The following CCBE1 variants were observed in gnomAD, a reference collection of about 807,000 sequenced individuals.
The protein encoded by CCBE1 is collagen and calcium-binding EGF domain-containing protein 1.
A neutral mutation model predicts 50.0 loss-of-function variants in CCBE1; 37 were observed. The ratio of observed to expected loss-of-function variants is 0.74; its 90% CI spans 0.57 to 0.97. CCBE1 has a LOEUF of 0.97. Among genes scored for constraint, CCBE1 ranks in the 50% least tolerant of loss-of-function variants. The pLI is 0.00. For missense variants in CCBE1, 538 were observed against 523.8 expected, an observed-to-expected ratio of 1.03 and a Z score of -0.26; for synonymous variants, 234 against 203.7, an observed-to-expected ratio of 1.15 and a Z score of -1.27.
intron 2 of CCBE1, among the ~76,000 whole-genome samples, chr18:59,556,088 G>A (rs967842849): frequency 1.3e-5 from 2 of 152,154 alleles, no homozygotes; most frequent in South Asian, 2.1e-4. Flanking sequence ...CAGCCTTAAC[G>A]GGGCCCAGGA....
intron 2 of CCBE1, among the ~76,000 whole-genome samples, chr18:59,621,141 G>A (rs1343264832): frequency 6.6e-6 from 1 of 152,202 alleles, no homozygotes; most frequent in Non-Finnish European, 1.5e-5. Flanking sequence ...GCATGTGACT[G>A]GGGCCCCAGG....
At chr18:59,543,118 C>A (rs1012455752) in intron 2 of CCBE1, among the ~76,000 whole-genome samples, 1 of 151,930 alleles carries the variant, frequency 6.6e-6, no homozygotes, top group African/African-American at 2.4e-5. Context: ...CAATGCTTTC[C>A]ATATTTTACA....
intron 2 of CCBE1, among the ~76,000 whole-genome samples, chr18:59,556,782 G>A (rs371963402): frequency 7.0e-4 from 106 of 152,316 alleles, no homozygotes; most frequent in Middle Eastern, 3.4e-3. Flanking sequence ...CAAGGAAAGA[G>A]GTATTCCGTA....
Position 59,466,857 on chromosome 18 carries a change from C to A in CCBE1, c.435G>T (p.Leu145=). ...AGGTATTGATGCAGATGTGGGCACA[C>A]AGCGTCCCATTGCTGCTGGCACACT... ...IDECASSNGT[L]CAHICINTLG... is the part of the protein sequence containing the mutation. Residue 145 remains leucine (L), a synonymous_variant, in exon 5 of 11, where the codon CTG becomes CTT. Transcript: ENST00000439986. 3 of 1,613,544 alleles carry A rather than the reference C, an allele frequency of 1.9e-6. No individual in the cohort carries two copies. Among genetic ancestry groups the A allele is most frequent in the Non-Finnish European group, 2.5e-6 (3 of 1,179,798 alleles).
chr18:59,466,438 T>A lies in CCBE1; in HGVS notation c.553+301A>T, dbSNP rs8082747. Among the ~76,000 whole-genome samples, 37,274 of 151,668 alleles carry A rather than the reference T, an allele frequency of 0.25. 4,770 individuals are homozygous for A. Among genetic ancestry groups the A allele is most frequent in the East Asian group, 0.34 (1,769 of 5,140 alleles). ...CTCCCCAGCCATATGGAACTGTGAGTTTTTTAAACCTCTTTTTCTTTATAA... is the reference window on the plus strand; with the variant it reads ...CTCCCCAGCCATATGGAACTGTGAGATTTTTAAACCTCTTTTTCTTTATAA... On this transcript the variant is annotated intron_variant, in intron 5 of 10. Transcript: ENST00000439986.
chr18:59,693,750 T>C (rs936295954), intron 2 of CCBE1, among the ~76,000 whole-genome samples: 1 of 151,988 alleles, frequency 6.6e-6, no homozygotes, highest in African/African-American at 2.4e-5. Flanking sequence ...AGATGCACAA[T>C]AGATTCTTAA....
intron 5 of CCBE1, among the ~76,000 whole-genome samples, chr18:59,466,415 C>T (rs1911745075): frequency 6.6e-6 from 1 of 151,986 alleles, no homozygotes. Context: ...TGTGAGGCCT[C>T]CCCAGCCATA....
At chr18:59,677,326 T>C (rs965975935) in intron 2 of CCBE1, among the ~76,000 whole-genome samples, 1 of 152,200 alleles carries the variant, frequency 6.6e-6, no homozygotes, top group African/African-American at 2.4e-5. Flanking sequence ...GGAGCAACTA[T>C]CCAGGCATTC....
chr18:59,460,893 C>T (rs1396914190), intron 5 of CCBE1, among the ~76,000 whole-genome samples: 1 of 150,964 alleles, frequency 6.6e-6, no homozygotes, highest in Non-Finnish European at 1.5e-5. Context: ...GGATATCGCG[C>T]CACTGCACTC....
At chr18:59,447,025 A>G (rs980298212) in intron 7 of CCBE1, among the ~76,000 whole-genome samples, 1 of 152,230 alleles carries the variant, frequency 6.6e-6, no homozygotes, top group Non-Finnish European at 1.5e-5. Context: ...TACTAAAAAT[A>G]TAAAATAACT....
chr18:59,647,765 CA>C (rs1408242310), intron 2 of CCBE1, among the ~76,000 whole-genome samples: 1 of 152,082 alleles, frequency 6.6e-6, no homozygotes, highest in Non-Finnish European at 1.5e-5. Context: ...GTACACATTT[CA>C]ATTGTTTCGA....
chr18:59,638,753 T>C (rs1419632359), intron 2 of CCBE1, among the ~76,000 whole-genome samples: 2 of 152,218 alleles, frequency 1.3e-5, no homozygotes, highest in African/African-American at 4.8e-5. Context: ...TTCACAAATG[T>C]CTTCAAGAAA....
intron 2 of CCBE1, among the ~76,000 whole-genome samples, chr18:59,524,203 C>T (rs1469223548): frequency 1.3e-5 from 2 of 152,044 alleles, no homozygotes; most frequent in African/African-American, 4.8e-5. Context: ...GCCCGTAATC[C>T]CAGTTACTAG....
intron 2 of CCBE1, among the ~76,000 whole-genome samples, chr18:59,560,989 C>T (rs952703723): frequency 3.3e-5 from 5 of 152,230 alleles, no homozygotes; most frequent in Non-Finnish European, 4.4e-5. Flanking sequence ...CCTGAGCCTT[C>T]ACTGATAGGA....
chr18:59,507,821 T>A (rs774287872), intron 2 of CCBE1, among the ~76,000 whole-genome samples: 5 of 152,188 alleles, frequency 3.3e-5, no homozygotes, highest in Non-Finnish European at 5.9e-5. Context: ...TTTACATCTT[T>A]CCCTGTATCC....
intron 2 of CCBE1, chr18:59,696,410 G>A: frequency 8.1e-7 from 1 of 1,240,278 alleles, no homozygotes; most frequent in Non-Finnish European, 1.1e-6. Flanking sequence ...CAGGATCTCA[G>A]GGCACACACC....
chr18:59,466,645 T>C (rs1437544302), intron 5 of CCBE1, 94 bp downstream of exon 5: 4 of 587,422 alleles, frequency 6.8e-6, no homozygotes, highest in Non-Finnish European at 1.0e-5. Flanking sequence ...AATTATATAA[T>C]CATATCTATA....
At chr18:59,454,766 T>C (rs559809265) in intron 6 of CCBE1, 85 bp downstream of exon 6, 2 of 1,152,046 alleles carry the variant, frequency 1.7e-6, no homozygotes, top group East Asian at 4.7e-5. Context: ...GTGGATATTT[T>C]CTTATTTGTA....
At chr18:59,631,036 C>T (rs1016378339) in intron 2 of CCBE1, among the ~76,000 whole-genome samples, 1 of 152,116 alleles carries the variant, frequency 6.6e-6, no homozygotes, top group African/African-American at 2.4e-5. Context: ...AATGGTACTT[C>T]CATTTTCTTT....
Sources: allele counts gnomAD v4.1 joint callset (sites outside exome capture counted in the v4.1 genomes callset), GRCh38; gene constraint gnomAD v4.1.1; transcripts MANE v1.5; gene names NCBI Gene and HGNC (gene_info 2026-07-23, HGNC 2026-07-21).